Variants in BBOF1 observed in about 807,000 individuals in gnomAD.
BBOF1 encodes basal body-orientation factor 1.
Under a neutral mutation model 68.0 loss-of-function variants are expected in BBOF1, and 62 were observed. That is an observed-to-expected ratio of 0.91 (90% CI 0.74 to 1.13). BBOF1 has a LOEUF of 1.13. Among genes scored for constraint, BBOF1 ranks in the 50% most tolerant of loss-of-function variants. The probability of loss-of-function intolerance (pLI) is 0.00; values close to 1 mark genes in which losing one functional copy is unlikely to be tolerated. For synonymous variants in BBOF1, 208 were observed against 198.8 expected, an observed-to-expected ratio of 1.05 and a Z score of -0.39; for missense variants, 534 against 600.1, an observed-to-expected ratio of 0.89 and a Z score of 1.15.
At chr14:74,052,701 AGTATATG>A (rs1414107831) in intron 8 of BBOF1, among the ~76,000 whole-genome samples, 1 of 151,936 alleles carries the variant, frequency 6.6e-6, no homozygotes. Flanking sequence ...GGACAGTTGA[AGTATATG>A]GTAATCGGCT....
intron 8 of BBOF1, among the ~76,000 whole-genome samples, chr14:74,052,330 A>C (rs1401190043): frequency 6.6e-6 from 1 of 151,748 alleles, no homozygotes; most frequent in Non-Finnish European, 1.5e-5. Flanking sequence ...CTCTATCAGC[A>C]GGGCAGAAAT....
intron 10 of BBOF1, among the ~76,000 whole-genome samples, chr14:74,079,867 C>G (rs2060654246): frequency 6.6e-6 from 1 of 152,020 alleles, no homozygotes; most frequent in Non-Finnish European, 1.5e-5. Context: ...CGACATGTGA[C>G]CTCTACGGAT....
intron 4 of BBOF1, among the ~76,000 whole-genome samples, chr14:74,036,101 G>T (rs186510974): frequency 6.6e-6 from 1 of 151,322 alleles, no homozygotes; most frequent in African/African-American, 2.4e-5. Context: ...TATTGCCCAC[G>T]CTAGAGTGCA....
chr14:74,071,575 G>A, intron 9 of BBOF1: 2 of 1,609,378 alleles, frequency 1.2e-6, no homozygotes, highest in Non-Finnish European at 1.7e-6. Context: ...CAGCCCTGAG[G>A]ACAGGAAGTG....
chr14:74,060,209 G>T (rs1135886), intron 11 of BBOF1: 1 of 158,120 alleles, frequency 6.3e-6, no homozygotes, highest in Non-Finnish European at 1.4e-5. Context: ...ACGGGGTTTC[G>T]CCACGTTCTT....
chr14:74,022,868 A>G (rs1161610752), intron 1 of BBOF1, 48 bp from the exon 2 acceptor site: 1 of 985,932 alleles, frequency 1.0e-6, no homozygotes, highest in East Asian at 2.5e-5. Flanking sequence ...TCTGCATATT[A>G]GAGTTGTATA....
At chr14:74,025,116 G>T (rs1244918735) in intron 2 of BBOF1, among the ~76,000 whole-genome samples, 2 of 152,004 alleles carry the variant, frequency 1.3e-5, no homozygotes, top group African/African-American at 2.4e-5. Flanking sequence ...TTATTAAATT[G>T]CCCTCTATAA....
intron 9 of BBOF1, chr14:74,075,057 A>G (rs1056843297): frequency 6.3e-7 from 1 of 1,596,796 alleles, no homozygotes; most frequent in Admixed American, 1.7e-5. Flanking sequence ...AAATGAGAGC[A>G]GAAAGTTATT....
At chr14:74,082,407 T>G (rs1031166056) in intron 12 of BBOF1, among the ~76,000 whole-genome samples, 13 of 141,476 alleles carry the variant, frequency 9.2e-5, no homozygotes, top group African/African-American at 2.1e-4. Context: ...TTTTTTTTTT[T>G]TTTTTTTTTT....
In BBOF1 at chr14:74,065,033, C is replaced by G; in HGVS notation, c.*334C>G. ...ACCCACCTTCTACCCTATCCTCTAC[C>G]CCATGAACTTTCATTCCTGAGGAAG... On this transcript the variant is annotated 3_prime_UTR_variant, in exon 12 of 12. Transcript: ENST00000394009. 7.3e-7 allele frequency: 1 copy of G among 1,372,466 alleles called. No homozygotes were observed. Among genetic ancestry groups the G allele is most frequent in the Non-Finnish European group, 1.0e-6 (1 of 978,054 alleles). The allele number at this position is 1,372,466 out of a possible 1,614,324, so 85.0% of individuals were successfully genotyped here.
Position 74,046,097 on chromosome 14 carries a change from T to C in BBOF1, c.614T>C (p.Met205Thr). Residue 205 changes from methionine (M) to threonine (T), a missense_variant, in exon 6 of 12, where the codon ATG (methionine) becomes ACG (threonine). Met to Thr is a moderately conservative substitution (Grantham distance 81). Transcript: ENST00000394009. ...CAAGAGGCTGAAAAGAAGATAATAATGCTAGCAGAGAGAGCCCACCATGAG... is the reference window on the plus strand; with the variant it reads ...CAAGAGGCTGAAAAGAAGATAATAACGCTAGCAGAGAGAGCCCACCATGAG... ...LEQEAEKKIIMLAERAHHEAI... is the reference protein window; with the variant it reads ...LEQEAEKKIITLAERAHHEAI... 2 of 1,609,112 alleles carry C rather than the reference T, an allele frequency of 1.2e-6. No individual in the cohort carries two copies. The highest frequency in any genetic ancestry group is 1.1e-5 in the South Asian group (1 of 89,754).
At chr14:74,038,392 G>A (rs373247675) in intron 4 of BBOF1, among the ~76,000 whole-genome samples, 14 of 152,178 alleles carry the variant, frequency 9.2e-5, no homozygotes, top group African/African-American at 3.1e-4. Context: ...GCATATTCAA[G>A]TAGCCCATGT....
intron 11 of BBOF1, chr14:74,058,093 C>G (rs1432799900): frequency 5.5e-6 from 1 of 182,952 alleles, no homozygotes; most frequent in African/African-American, 2.4e-5. Context: ...TTTGGGAGGC[C>G]GAGGTGGGCG....
intron 8 of BBOF1, among the ~76,000 whole-genome samples, chr14:74,051,750 A>G (rs888500833): frequency 2.0e-5 from 3 of 151,646 alleles, no homozygotes; most frequent in African/African-American, 7.3e-5. Context: ...TTCCAATGCA[A>G]TTAGATTCTT....
intron 9 of BBOF1, chr14:74,072,743 G>T: frequency 9.8e-7 from 1 of 1,016,730 alleles, no homozygotes; most frequent in Non-Finnish European, 1.5e-6. Context: ...CTGGTCTTTA[G>T]AAATGTTACC....
rs1396522544 is a variant in BBOF1, at chr14:74,019,387, C to A, written c.-92C>A. The A allele has an allele frequency of 6.7e-7, 1 of 1,484,738 alleles. No homozygotes were observed. Among genetic ancestry groups the A allele is most frequent in the Non-Finnish European group, 9.0e-7 (1 of 1,111,786 alleles). The allele number at this position is 1,484,738 out of a possible 1,614,324, so 92.0% of individuals were successfully genotyped here. ...CGTCAGCGGCGCGGGTGGGGCATTG[C>A]CAGCTCGGCGTCCCGGTTCCCTTGG... On this transcript the variant is annotated 5_prime_UTR_variant, in exon 1 of 12. Transcript: ENST00000394009.
intron 8 of BBOF1, 50 bp from the exon 9 acceptor site, chr14:74,055,534 A>T (rs1407638113): frequency 1.7e-6 from 2 of 1,193,226 alleles, no homozygotes; most frequent in Non-Finnish European, 2.5e-6. Context: ...AGAGAAGCCT[A>T]TTTGACCGTA....
At chr14:74,075,137 C>T (rs1172706661) in intron 9 of BBOF1, 4 of 824,158 alleles carry the variant, frequency 4.9e-6, no homozygotes, top group Non-Finnish European at 8.1e-6. Flanking sequence ...TCTCAAAGGC[C>T]ATACAGTCAT....
chr14:74,022,538 C>T (rs1049415480), intron 1 of BBOF1, among the ~76,000 whole-genome samples: 1 of 151,820 alleles, frequency 6.6e-6, no homozygotes, highest in Non-Finnish European at 1.5e-5. Flanking sequence ...CACAGCCAGG[C>T]CCAGTTTCAA....
Sources: gnomAD v4.1 joint callset for allele counts (sites outside exome capture counted in the v4.1 genomes callset) on GRCh38, gnomAD v4.1.1 for gene constraint, MANE v1.5 for transcripts, NCBI Gene and HGNC (gene_info 2026-07-23, HGNC 2026-07-21) for gene names.